Variants in AMPH observed in about 807,000 individuals in gnomAD.
AMPH encodes the protein amphiphysin, also known as amphiphysin (Stiff-Mann syndrome with breast cancer 128kD autoantigen).
A neutral mutation model predicts 99.1 loss-of-function variants in AMPH; 49 were observed. The observed-to-expected ratio is 0.49, with a 90% CI of 0.39 to 0.63. The LOEUF is 0.63. Among genes scored for constraint, AMPH ranks in the 20% least tolerant of loss-of-function variants. AMPH has a pLI of 0.00. For missense variants in AMPH, 759 were observed against 863.4 expected (o/e 0.88, Z 1.52); for synonymous variants, 314 against 317.3 (o/e 0.99, Z 0.11).
intron 9 of AMPH, chr7:38,463,966 C>T: frequency 1.1e-6 from 1 of 918,572 alleles, no homozygotes; most frequent in South Asian, 1.4e-5. Flanking sequence ...GCTGAGGAAA[C>T]TGGGTCCTTT....
At chr7:38,578,846 T>G (rs902706264) in intron 1 of AMPH, among the ~76,000 whole-genome samples, 41 of 152,204 alleles carry the variant, frequency 2.7e-4, no homozygotes, top group African/African-American at 9.7e-4. Flanking sequence ...TATGACATTT[T>G]AATGGTTTTT....
At chr7:38,524,714 T>C (rs1584203162) in intron 2 of AMPH, among the ~76,000 whole-genome samples, 1 of 152,314 alleles carries the variant, frequency 6.6e-6, no homozygotes, top group East Asian at 1.9e-4. Context: ...TTATTATAGC[T>C]TTTTGTAAGG....
In AMPH at chr7:38,631,267, G is replaced by GCCGC. The variant is rs998802274; in HGVS notation, c.69+12_69+15dup. 2 of 1,514,220 alleles carry GCCGC rather than the reference G, an allele frequency of 1.3e-6. No homozygotes were observed. Among genetic ancestry groups the GCCGC allele is most frequent in the Non-Finnish European group, 1.8e-6 (2 of 1,132,424 alleles). The allele number at this position is 1,514,220 out of a possible 1,614,324, so 93.8% of individuals were successfully genotyped here. On this transcript the variant is annotated intron_variant, in intron 1 of 20. Transcript: ENST00000356264. Reference sequence around the variant, plus strand: ...CCTGGCGTCCCCGGCCCCAGCCCCGGCCGCCCGCCGCTGACCTTTTCCTGC... The same window carrying GCCGC: ...CCTGGCGTCCCCGGCCCCAGCCCCGGCCGCCCGCCCGCCGCTGACCTTTTCCTGC...
At chr7:38,620,282 C>T (rs1449223604) in intron 1 of AMPH, among the ~76,000 whole-genome samples, 1 of 151,508 alleles carries the variant, frequency 6.6e-6, no homozygotes. Flanking sequence ...TCCCTCCTTC[C>T]CTCTCTGCCC....
At chr7:38,460,059 A>C (rs1787382615) in intron 11 of AMPH, among the ~76,000 whole-genome samples, 1 of 152,184 alleles carries the variant, frequency 6.6e-6, no homozygotes, top group South Asian at 2.1e-4. Context: ...AAAAGAAAAC[A>C]TACAAATGGC....
At chr7:38,416,326 G>A (rs191233827) in intron 17 of AMPH, among the ~76,000 whole-genome samples, 2 of 152,074 alleles carry the variant, frequency 1.3e-5, no homozygotes, top group African/African-American at 4.8e-5. Flanking sequence ...GAACACAGTA[G>A]CTTGTCTATT....
intron 5 of AMPH, among the ~76,000 whole-genome samples, chr7:38,486,406 C>G (rs1208469150): frequency 1.3e-5 from 2 of 151,752 alleles, no homozygotes; most frequent in Non-Finnish European, 2.9e-5. Flanking sequence ...AAGGTTTGAA[C>G]ACATCTTTAA....
rs568211631 is a variant in AMPH at position 38,388,814 on chromosome 7, A to C, written c.1980+990T>G. Among the ~76,000 whole-genome samples, 11 of 152,106 alleles carry C rather than the reference A, an allele frequency of 7.2e-5. No homozygotes were observed. The South Asian group carries it at 2.3e-3, about 32-fold the overall frequency. ...ACTGCTGCACCCAGCTAATTAAAAA[A>C]AAAATTTTTTGTAGAGATGAGGTCT... On this transcript the variant is annotated intron_variant, in intron 20 of 20. Coordinates refer to ENST00000356264, the MANE Select transcript of AMPH (RefSeq NM_001635.4).
intron 1 of AMPH, among the ~76,000 whole-genome samples, chr7:38,591,432 C>T (rs959593288): frequency 1.1e-4 from 16 of 151,988 alleles, no homozygotes; most frequent in Middle Eastern, 3.4e-3. Flanking sequence ...GAATTCCAGG[C>T]GTGCGCCACC....
intron 4 of AMPH, among the ~76,000 whole-genome samples, chr7:38,493,348 A>C (rs752794819): frequency 3.9e-5 from 6 of 152,202 alleles, no homozygotes; most frequent in Non-Finnish European, 8.8e-5. Context: ...GATGTGAGAC[A>C]ATCTGTGACT....
chr7:38,536,157 A>G lies in AMPH; in HGVS notation c.70-1146T>C, dbSNP rs1487649786. Reference sequence around the variant, plus strand: ...TAGACAAGGCAGGTCCACAAATAACAAATCAAGGATAAGTTAAAGACACAG... The same window carrying G: ...TAGACAAGGCAGGTCCACAAATAACGAATCAAGGATAAGTTAAAGACACAG... On this transcript the variant is annotated intron_variant, in intron 1 of 20. Transcript: ENST00000356264. Among the ~76,000 whole-genome samples, 3 of 152,200 alleles carry G rather than the reference A, an allele frequency of 2.0e-5. No individual in the cohort carries two copies. In the East Asian group the frequency reaches 5.8e-4, roughly 29 times the overall value.
intron 14 of AMPH, chr7:38,428,947 C>T (rs1336828397): frequency 1.1e-5 from 13 of 1,184,914 alleles, no homozygotes; most frequent in Non-Finnish European, 1.2e-5. Flanking sequence ...TCTTCCTTTC[C>T]TATGGTATTA....
chr7:38,494,769 G>C (rs35375449), intron 3 of AMPH, among the ~76,000 whole-genome samples: 2 of 152,144 alleles, frequency 1.3e-5, no homozygotes, highest in Non-Finnish European at 2.9e-5. Flanking sequence ...TCTCGGGAAA[G>C]ATCAACAAGT....
Position 38,441,778 on chromosome 7 carries a change from TC to T in AMPH, c.1018-5391del, listed in dbSNP as rs1210425273. 3.2e-4 allele frequency among the ~76,000 whole-genome samples: 45 copies of T among 139,042 alleles called. 2 individuals are homozygous for T. The highest frequency in any genetic ancestry group is 1.1e-3 in the African/African-American group (40 of 37,716). 91.2% of individuals were successfully genotyped at this position (139,042 alleles called of 152,430 possible). ...ATATATATCATATATATGATATATA[TC>T]ATATATCTGTCATATATATCATATA... On this transcript the variant is annotated intron_variant, in intron 11 of 20. Transcript: ENST00000356264.
intron 1 of AMPH, among the ~76,000 whole-genome samples, chr7:38,629,061 T>C (rs1794361884): frequency 6.6e-6 from 1 of 152,170 alleles, no homozygotes; most frequent in African/African-American, 2.4e-5. Context: ...CTATAGTTAT[T>C]GGGATGAAGA....
At chr7:38,542,248 A>G (rs1009369925) in intron 1 of AMPH, among the ~76,000 whole-genome samples, 6 of 152,176 alleles carry the variant, frequency 3.9e-5, no homozygotes, top group Admixed American at 2.6e-4. Flanking sequence ...TAATAATTAT[A>G]CCAAAATCCA....
At chr7:38,413,143 T>G (rs1785261951) in intron 17 of AMPH, among the ~76,000 whole-genome samples, 1 of 152,204 alleles carries the variant, frequency 6.6e-6, no homozygotes, top group Admixed American at 6.5e-5. Context: ...CAAACTGTCA[T>G]TAACTAATAA....
chr7:38,403,805 C>T (rs1784908821), intron 17 of AMPH, among the ~76,000 whole-genome samples: 1 of 152,240 alleles, frequency 6.6e-6, no homozygotes, highest in Non-Finnish European at 1.5e-5. Flanking sequence ...CCCCACCCAC[C>T]ATTGTGGATG....
chr7:38,545,357 C>T (rs1007460361), intron 1 of AMPH, among the ~76,000 whole-genome samples: 4 of 152,152 alleles, frequency 2.6e-5, no homozygotes, highest in Non-Finnish European at 5.9e-5. Context: ...CCAAGAACAG[C>T]TTGCTTTTTC....
Sources: gnomAD v4.1 joint callset for allele counts (sites outside exome capture counted in the v4.1 genomes callset) on GRCh38, gnomAD v4.1.1 for gene constraint, MANE v1.5 for transcripts, NCBI Gene and HGNC (gene_info 2026-07-23, HGNC 2026-07-21) for gene names.